MASP1: variants seen among roughly 807,000 people sequenced by gnomAD.
MASP1 encodes the protein MBL associated serine protease 1, also known as mannan-binding lectin serine protease 1.
MASP1 carries 59 observed loss-of-function variants against 77.1 expected under a neutral mutation model. That is an observed-to-expected ratio of 0.77 (90% CI 0.62 to 0.95). The LOEUF (loss-of-function observed/expected upper bound fraction) is 0.95. Ranked by LOEUF, MASP1 falls within the 40% of genes least tolerant of loss-of-function variation. MASP1 has a pLI of 0.00. For missense variants in MASP1, 885 were observed against 912.9 expected, an observed-to-expected ratio of 0.97 and a Z score of 0.39; for synonymous variants, 362 against 354.5, an observed-to-expected ratio of 1.02 and a Z score of -0.24.
intron 1 of MASP1, among the ~76,000 whole-genome samples, chr3:187,286,414 T>A (rs1373494864): frequency 6.6e-6 from 1 of 152,254 alleles, no homozygotes; most frequent in Non-Finnish European, 1.5e-5. Context: ...CTCTTGATTC[T>A]CTTTTTGAAA....
exon 16 of MASP1, chr3:187,217,739 A>T (rs1229325865): frequency 6.6e-6 from 1 of 152,246 alleles, no homozygotes; most frequent in Admixed American, 6.5e-5. Context: ...GGCACAGCTA[A>T]TAAGTGCTTG....
intron 5 of MASP1, 46 bp from the exon 6 acceptor site, chr3:187,253,361 A>G: frequency 6.2e-7 from 1 of 1,610,466 alleles, no homozygotes; most frequent in Non-Finnish European, 8.5e-7. Flanking sequence ...GTTCCATCTG[A>G]GCAGCCAAAA....
At chr3:187,280,050 T>C (rs1019445042) in intron 2 of MASP1, among the ~76,000 whole-genome samples, 1 of 152,188 alleles carries the variant, frequency 6.6e-6, no homozygotes, top group Admixed American at 6.5e-5. Flanking sequence ...CTTCATTCCA[T>C]AGACAATGGG....
intron 2 of MASP1, among the ~76,000 whole-genome samples, chr3:187,268,230 T>A (rs77713053): frequency 0.018 from 2,681 of 152,192 alleles, 40 homozygotes; most frequent in Admixed American, 0.037. Flanking sequence ...ACCTGTAATC[T>A]CAGAAATTTG....
chr3:187,291,658 G>A lies in MASP1; in HGVS notation c.-26C>T. The A allele has an allele frequency of 6.2e-7, 1 of 1,614,188 alleles. No homozygotes were observed. Among genetic ancestry groups the A allele is most frequent in the Non-Finnish European group, 8.5e-7 (1 of 1,180,002 alleles). ...TTTCCTGCCTTGGGTGCTCCCGGCT[G>A]CCCGGCCTTGGTCCTCCCAGCTTGA... On this transcript the variant is annotated 5_prime_UTR_variant, in exon 1 of 11. Coordinates refer to ENST00000296280, the MANE Select transcript of MASP1 (RefSeq NM_139125.4).
At chr3:187,248,211 G>A (rs1389631888) in intron 8 of MASP1, among the ~76,000 whole-genome samples, 1 of 152,206 alleles carries the variant, frequency 6.6e-6, no homozygotes, top group Non-Finnish European at 1.5e-5. Flanking sequence ...ATGACAGGGT[G>A]TTCTGTTGTA....
At chr3:187,243,709 G>A in intron 8 of MASP1, 88 bp from the exon 9 acceptor site, 1 of 1,470,134 alleles carries the variant, frequency 6.8e-7, no homozygotes, top group Admixed American at 1.7e-5. Context: ...AGATGTACAG[G>A]TTGTGCACTG....
exon 16 of MASP1, chr3:187,217,618 G>A (rs1440041549): frequency 6.6e-6 from 1 of 152,184 alleles, no homozygotes; most frequent in Non-Finnish European, 1.5e-5. Context: ...GCTCAAGAAT[G>A]AGGTCGCGAA....
In MASP1 at chr3:187,234,625, G is replaced by A. The variant is rs1185114145; in HGVS notation, c.*1059C>T. The stretch of plus-strand genomic sequence containing the variant: ...AGGAGTGGGTCCCTCTGAACATCCT[G>A]CGGGGTGGATTCTCCGCCCAGCTCA... On this transcript the variant is annotated 3_prime_UTR_variant, in exon 11 of 11. Transcript: ENST00000296280. 1 of 1,287,192 alleles carries A rather than the reference G, an allele frequency of 7.8e-7. No individual in the cohort carries two copies. Among genetic ancestry groups the A allele is most frequent in the South Asian group, 1.2e-5 (1 of 80,934 alleles). The allele number at this position is 1,287,192 out of a possible 1,614,324, so 79.7% of individuals were successfully genotyped here.
chr3:187,243,721 A>G, intron 8 of MASP1, 100 bp from the exon 9 acceptor site: 3 of 1,429,196 alleles, frequency 2.1e-6, no homozygotes, highest in Non-Finnish European at 2.9e-6. Context: ...TGTGCACTGC[A>G]CACAATTCCA....
At chr3:187,287,182 G>A (rs910546480) in intron 1 of MASP1, among the ~76,000 whole-genome samples, 4 of 152,164 alleles carry the variant, frequency 2.6e-5, no homozygotes, top group East Asian at 1.9e-4. Context: ...AGGGTAAAGC[G>A]TCTGCTCCTG....
In MASP1 at chr3:187,285,170, G is replaced by T. The variant is rs372142680; in HGVS notation, c.237+655C>A. ...CCACCCATGGAATTTTTTTTTTTGT[G>T]GGGGGTTCTCTAAATTCCAGGGTAT... On this transcript the variant is annotated intron_variant, in intron 2 of 10. Coordinates refer to ENST00000296280, the MANE Select transcript of MASP1 (RefSeq NM_139125.4). Among the ~76,000 whole-genome samples the T allele has an allele frequency of 4.0e-4, 61 of 151,194 alleles. No individual in the cohort carries two copies. In the Middle Eastern group the frequency reaches 0.01, roughly 25 times the overall value.
rs891268787 is a variant in MASP1, at chr3:187,234,785, T to C, written c.*899A>G. 4 of 1,287,264 alleles carry C rather than the reference T, an allele frequency of 3.1e-6. No individual in the cohort carries two copies. The highest frequency in any genetic ancestry group is 4.0e-6 in the Non-Finnish European group (4 of 988,704). 79.7% of individuals were successfully genotyped at this position (1,287,264 alleles called of 1,614,324 possible). ...TCTTTTCTTTTTCCAGGTAATCGAC[T>C]AAGTCCCCATATTCGGGCCTGGGCT... On this transcript the variant is annotated 3_prime_UTR_variant, in exon 11 of 11. Transcript: ENST00000296280.
intron 8 of MASP1, among the ~76,000 whole-genome samples, chr3:187,247,825 C>G (rs574019671): frequency 1.9e-4 from 29 of 152,302 alleles, no homozygotes; most frequent in African/African-American, 6.5e-4. Flanking sequence ...CCCCTCTTGT[C>G]TGGAAGCAGA....
chr3:187,269,643 A>G (rs969432144), intron 2 of MASP1, among the ~76,000 whole-genome samples: 2 of 152,202 alleles, frequency 1.3e-5, no homozygotes, highest in African/African-American at 2.4e-5. Context: ...ATCAAGGAAC[A>G]TTCTTGGTAT....
rs1213948340 is a variant in MASP1, at chr3:187,262,585, C to G, written c.373G>C (p.Glu125Gln). 1.9e-6 allele frequency: 3 copies of G among 1,614,052 alleles called. No homozygotes were observed. The highest frequency in any genetic ancestry group is 2.5e-6 in the Non-Finnish European group (3 of 1,180,036). Residue 125 changes from glutamate to glutamine, a missense_variant, in exon 3 of 11, where the codon GAG becomes CAG. Coordinates refer to ENST00000296280, the MANE Select transcript of MASP1 (RefSeq NM_139125.4). ...GCATCAAAGCCTGTGAAACGCTCCT[C>G]ATTGGAGAAATCTGACCGGAAAGTG... The part of the protein sequence containing the change: ...SITFRSDFSN[E>Q]ERFTGFDAHY...
chr3:187,234,471 C>T lies in MASP1; in HGVS notation c.*1213G>A, dbSNP rs1712970128. The T allele has an allele frequency of 3.1e-6, 4 of 1,285,880 alleles. No homozygotes were observed. The highest frequency in any genetic ancestry group is 4.1e-6 in the Non-Finnish European group (4 of 987,564). 79.7% of individuals were successfully genotyped at this position (1,285,880 alleles called of 1,614,324 possible). A position where few individuals can be genotyped will look rare whatever the true frequency, so the allele number is the denominator to read the frequency against. ...GCTGACGGAGAACCAGAGACTCAGA[C>T]AAAGAAAATGATTTTTCAAAGGTTA... On this transcript the variant is annotated 3_prime_UTR_variant, in exon 11 of 11. Transcript: ENST00000296280.
intron 9 of MASP1, chr3:187,242,994 C>T (rs1329996145): frequency 9.4e-6 from 2 of 211,910 alleles, no homozygotes; most frequent in Non-Finnish European, 1.9e-5. Context: ...AAGGAAGGTC[C>T]CTTACCTGCT....
chr3:187,277,611 C>G (rs1208425266), intron 2 of MASP1, among the ~76,000 whole-genome samples: 1 of 152,146 alleles, frequency 6.6e-6, no homozygotes, highest in Non-Finnish European at 1.5e-5. Flanking sequence ...ACAGTAAAGC[C>G]TGTTCTGAGG....
Sources: gnomAD v4.1 joint callset for allele counts (sites outside exome capture counted in the v4.1 genomes callset) on GRCh38, gnomAD v4.1.1 for gene constraint, MANE v1.5 for transcripts, NCBI Gene and HGNC (gene_info 2026-07-23, HGNC 2026-07-21) for gene names.